The following NCOA7 variants were observed in gnomAD, a reference collection of about 807,000 sequenced individuals.
NCOA7 encodes the protein nuclear receptor coactivator 7, also known as 140 kDa estrogen receptor-associated protein.
In NCOA7, 45 loss-of-function variants were observed where a neutral mutation model predicts 104.3. The ratio of observed to expected loss-of-function variants is 0.43; its 90% CI spans 0.34 to 0.55. The LOEUF (loss-of-function observed/expected upper bound fraction) is 0.55. Ranked by LOEUF, NCOA7 falls within the 20% of genes least tolerant of loss-of-function variation. The probability of loss-of-function intolerance (pLI) is 0.02; values close to 1 mark genes in which losing one functional copy is unlikely to be tolerated. For synonymous variants in NCOA7, 398 were observed against 402.3 expected (o/e 0.99, Z 0.13); for missense variants, 1,041 against 1,119.7 (o/e 0.93, Z 1.00).
At position 125,921,386 on chromosome 6, in the gene NCOA7, C is replaced by T. The variant is rs753512726; in HGVS notation, c.2370+318C>T. Reference sequence around the variant, plus strand: ...GATCGCACCACTGCATTCCAGCCTGCGCAACAGAGTGAGACTCTGTCTCAA... The same window carrying T: ...GATCGCACCACTGCATTCCAGCCTGTGCAACAGAGTGAGACTCTGTCTCAA... On this transcript the variant is annotated intron_variant, in intron 12 of 15. Coordinates refer to ENST00000392477, the MANE Select transcript of NCOA7 (RefSeq NM_181782.5). 2.6e-5 allele frequency among the ~76,000 whole-genome samples: 4 copies of T among 151,600 alleles called. No individual in the cohort carries two copies. The South Asian group carries it at 6.3e-4, about 24-fold the overall frequency.
intron 3 of NCOA7, among the ~76,000 whole-genome samples, chr6:125,860,718 A>T (rs1781974558): frequency 6.6e-6 from 1 of 152,248 alleles, no homozygotes; most frequent in Admixed American, 6.5e-5. Context: ...GCTTCTAAGA[A>T]TATGGAGATA....
At chr6:125,904,263 T>A (rs1231323482) in intron 10 of NCOA7, among the ~76,000 whole-genome samples, 1 of 152,178 alleles carries the variant, frequency 6.6e-6, no homozygotes, top group Admixed American at 6.5e-5. Flanking sequence ...GAGTTCCTAT[T>A]CAACACCAAC....
At chr6:125,878,407 C>A in intron 5 of NCOA7, 37 bp downstream of exon 5, 2 of 1,454,218 alleles carry the variant, frequency 1.4e-6, no homozygotes, top group Admixed American at 2.0e-5. Flanking sequence ...TCTAGAAATT[C>A]TGCATTTATC....
chr6:125,782,625 A>G (rs1235465836), intron 1 of NCOA7, among the ~76,000 whole-genome samples: 1 of 152,122 alleles, frequency 6.6e-6, no homozygotes, highest in Non-Finnish European at 1.5e-5. Context: ...GACCTTTTTG[A>G]ATAGTGGAGG....
intron 11 of NCOA7, chr6:125,919,363 G>A (rs1274176355): frequency 2.5e-6 from 4 of 1,612,830 alleles, no homozygotes; most frequent in Middle Eastern, 3.3e-4. Flanking sequence ...CACAATGAGA[G>A]GCCAAAGATT....
At chr6:125,870,332 C>G (rs1007944336) in intron 3 of NCOA7, among the ~76,000 whole-genome samples, 13 of 152,176 alleles carry the variant, frequency 8.5e-5, no homozygotes, top group African/African-American at 3.1e-4. Context: ...CTTTCAAAAC[C>G]TCTCTGTGAA....
At chr6:125,884,530 C>G (rs1384803574) in intron 7 of NCOA7, among the ~76,000 whole-genome samples, 1 of 152,182 alleles carries the variant, frequency 6.6e-6, no homozygotes, top group African/African-American at 2.4e-5. Flanking sequence ...TTTGAGCAAG[C>G]TTCAGACTTC....
chr6:125,850,236 C>A (rs1781003043), intron 2 of NCOA7, among the ~76,000 whole-genome samples: 2 of 152,150 alleles, frequency 1.3e-5, no homozygotes, highest in South Asian at 4.1e-4. Flanking sequence ...AGAAACACAT[C>A]TGATTTCCAG....
chr6:125,855,006 T>C lies in NCOA7; in HGVS notation c.51-14T>C, dbSNP rs1040081750. The stretch of plus-strand genomic sequence containing the variant: ...TCTCTCCAATGTTTTTTCTTTTTTT[T>C]CCCTCTTTCCTAGACTGAAAAAGAA... On this transcript the variant is annotated splice_polypyrimidine_tract_variant and intron_variant, in intron 2 of 15. Transcript: ENST00000392477. 5.1e-6 allele frequency: 8 copies of C among 1,558,604 alleles called. No individual in the cohort carries two copies. Among genetic ancestry groups the C allele is most frequent in the South Asian group, 3.5e-5 (3 of 84,630 alleles).
At chr6:125,823,979 A>T (rs975931176) in intron 2 of NCOA7, among the ~76,000 whole-genome samples, 13 of 152,042 alleles carry the variant, frequency 8.6e-5, no homozygotes, top group Non-Finnish European at 1.5e-4. Context: ...CACAGTTTAA[A>T]TTTTTTTTAT....
chr6:125,925,988 T>G (rs139870937), intron 13 of NCOA7, among the ~76,000 whole-genome samples: 1 of 152,268 alleles, frequency 6.6e-6, no homozygotes, highest in African/African-American at 2.4e-5. Context: ...CCTTAGTCTT[T>G]AAATGCATTT....
At chr6:125,821,379 CT>C (rs1778165895) in intron 2 of NCOA7, among the ~76,000 whole-genome samples, 1 of 152,100 alleles carries the variant, frequency 6.6e-6, no homozygotes, top group African/African-American at 2.4e-5. Flanking sequence ...CAGGTCTTCC[CT>C]TCTCCATCCA....
At chr6:125,895,968 TG>T (rs1784974884) in intron 10 of NCOA7, among the ~76,000 whole-genome samples, 1 of 91,204 alleles carries the variant, frequency 1.1e-5, no homozygotes, top group Non-Finnish European at 2.0e-5. Flanking sequence ...TGTATATATG[TG>T]TGTGTGTGTG....
At chr6:125,840,039 A>G (rs935226792) in intron 2 of NCOA7, among the ~76,000 whole-genome samples, 2 of 151,904 alleles carry the variant, frequency 1.3e-5, no homozygotes, top group African/African-American at 2.4e-5. Flanking sequence ...CATTGTTATC[A>G]TAGGAGAGGA....
At chr6:125,813,936 A>G (rs540187669) in intron 1 of NCOA7, among the ~76,000 whole-genome samples, 19 of 151,804 alleles carry the variant, frequency 1.3e-4, no homozygotes, top group Middle Eastern at 3.4e-3. Flanking sequence ...CCTGAGGTCT[A>G]TTTTTCAGCA....
intron 1 of NCOA7, among the ~76,000 whole-genome samples, chr6:125,803,297 A>C (rs1303252460): frequency 6.6e-6 from 1 of 152,160 alleles, no homozygotes; most frequent in East Asian, 1.9e-4. Flanking sequence ...TATTTGGCAT[A>C]ACTTTTTCAT....
rs1412541235 is a variant in NCOA7, at chr6:125,889,290, AGAT to A, written c.1243_1245del (p.Asp415del). 5 of 1,614,130 alleles carry A rather than the reference AGAT, an allele frequency of 3.1e-6. No individual in the cohort carries two copies. Among genetic ancestry groups the A allele is most frequent in the Non-Finnish European group, 4.2e-6 (5 of 1,180,006 alleles). On this transcript the variant is annotated inframe_deletion, in exon 9 of 16. Transcript: ENST00000392477. ...CAGCCAAAGAAAACTTTCTAGGGGAAGATGATGATTTTGTTGACTTGGAAGAAC... is the reference window on the plus strand; with the variant it reads ...CAGCCAAAGAAAACTTTCTAGGGGAAGATGATTTTGTTGACTTGGAAGAAC...
At chr6:125,927,468 C>G (rs1451241199) in intron 13 of NCOA7, among the ~76,000 whole-genome samples, 195 bp from the exon 14 acceptor site, 2 of 152,184 alleles carry the variant, frequency 1.3e-5, no homozygotes, top group Non-Finnish European at 2.9e-5. Context: ...GGAAGTCTGG[C>G]TACTTGGGTT....
intron 1 of NCOA7, among the ~76,000 whole-genome samples, chr6:125,811,002 T>C (rs1162350573): frequency 6.6e-6 from 1 of 152,268 alleles, no homozygotes; most frequent in Non-Finnish European, 1.5e-5. Context: ...CTGGCTCATC[T>C]TGCAGTATAA....
Sources: allele counts gnomAD v4.1 joint callset (sites outside exome capture counted in the v4.1 genomes callset), GRCh38; gene constraint gnomAD v4.1.1; transcripts MANE v1.5; gene names NCBI Gene and HGNC (gene_info 2026-07-23, HGNC 2026-07-21).